The following R3HCC1L variants were observed in gnomAD, a reference collection of about 807,000 sequenced individuals.
R3HCC1L encodes R3H domain and coiled-coil containing 1 like, also known as coiled-coil domain-containing protein R3HCC1L.
In R3HCC1L, 51 loss-of-function variants were observed where a neutral mutation model predicts 59.9. The observed-to-expected ratio is 0.85, with a 90% CI of 0.68 to 1.07. The LOEUF (loss-of-function observed/expected upper bound fraction) is 1.07. Ranked by LOEUF, R3HCC1L falls within the 50% of genes least tolerant of loss-of-function variation. R3HCC1L has a pLI of 0.00. For missense variants in R3HCC1L, 965 were observed against 933.0 expected (o/e 1.03, Z -0.45); for synonymous variants, 322 against 315.2 (o/e 1.02, Z -0.23).
intron 6 of R3HCC1L, among the ~76,000 whole-genome samples, chr10:98,232,465 G>GT (rs1411215922): frequency 1.3e-5 from 2 of 152,116 alleles, no homozygotes; most frequent in Non-Finnish European, 2.9e-5. Context: ...TATAGGAGAA[G>GT]TTAAAAGAGT....
At chr10:98,193,386 TAAAA>T (rs962854445) in intron 4 of R3HCC1L, among the ~76,000 whole-genome samples, 1 of 151,382 alleles carries the variant, frequency 6.6e-6, no homozygotes, top group Non-Finnish European at 1.5e-5. Flanking sequence ...AAATAAAAAA[TAAAA>T]AAAACTGTAA....
chr10:98,194,102 A>G (rs1851153694), intron 4 of R3HCC1L, among the ~76,000 whole-genome samples: 2 of 152,154 alleles, frequency 1.3e-5, no homozygotes, highest in Non-Finnish European at 2.9e-5. Context: ...AGCTATAGTG[A>G]TCAAAACAGT....
At chr10:98,231,458 TTACA>T in intron 5 of R3HCC1L, 50 bp from the exon 6 acceptor site, 14 of 1,497,506 alleles carry the variant, frequency 9.3e-6, no homozygotes, top group Non-Finnish European at 1.3e-5. Flanking sequence ...GGAATATATT[TTACA>T]ATAACCAGGT....
At chr10:98,207,278 A>C (rs1442769190) in intron 4 of R3HCC1L, among the ~76,000 whole-genome samples, 2 of 152,248 alleles carry the variant, frequency 1.3e-5, no homozygotes, top group Non-Finnish European at 2.9e-5. Flanking sequence ...ATTCAATATG[A>C]AATTCCCTAG....
chr10:98,151,950 TCTCTTTCCACGGTCTCCCTCGCC>T (rs1486746962), intron 1 of R3HCC1L, among the ~76,000 whole-genome samples: 14 of 152,116 alleles, frequency 9.2e-5, no homozygotes, highest in South Asian at 2.1e-4. Flanking sequence ...TCCCTCTCCC[TCTCTTTCCACGGTCTCCCTCGCC>T]CTCTTTCCAC....
intron 4 of R3HCC1L, among the ~76,000 whole-genome samples, chr10:98,166,239 A>G (rs769279532): frequency 6.6e-6 from 1 of 152,220 alleles, no homozygotes; most frequent in Non-Finnish European, 1.5e-5. Context: ...GTATGAGAAT[A>G]CAATGGGAAA....
chr10:98,237,583 C>T lies in R3HCC1L; in HGVS notation c.2269+1419C>T, dbSNP rs956205332. On this transcript the variant is annotated intron_variant, in intron 9 of 9. Coordinates refer to ENST00000298999, the MANE Select transcript of R3HCC1L (RefSeq NM_001351015.2). Reference sequence around the variant, plus strand: ...CTATGCAAAGGACATTTCAGTGATGCAATTAAAAATGATTCTGTTGACTAA... The same window carrying T: ...CTATGCAAAGGACATTTCAGTGATGTAATTAAAAATGATTCTGTTGACTAA... 1.4e-4 allele frequency among the ~76,000 whole-genome samples: 22 copies of T among 152,096 alleles called. 1 individual carries two copies. Among genetic ancestry groups the T allele is most frequent in the Admixed American group, 1.4e-3 (22 of 15,262 alleles).
intron 6 of R3HCC1L, among the ~76,000 whole-genome samples, chr10:98,233,878 C>G (rs7900103): frequency 0.13 from 19,453 of 152,032 alleles, 1,292 homozygotes; most frequent in Middle Eastern, 0.17. Flanking sequence ...CCTTCTGCAA[C>G]AAGTGAAGAA....
At chr10:98,193,359 G>A (rs771040806) in intron 4 of R3HCC1L, among the ~76,000 whole-genome samples, 30 of 151,922 alleles carry the variant, frequency 2.0e-4, no homozygotes, top group African/African-American at 4.8e-4. Flanking sequence ...TTGGTTTTAC[G>A]TGTACAAAAC....
At chr10:98,229,999 AT>A (rs1312143266) in intron 5 of R3HCC1L, among the ~76,000 whole-genome samples, 1 of 151,880 alleles carries the variant, frequency 6.6e-6, no homozygotes, top group East Asian at 1.9e-4. Context: ...TTTATTGAGG[AT>A]TTTTGCATCA....
chr10:98,209,888 C>T lies in R3HCC1L; in HGVS notation c.1774C>T (p.Leu592Phe). 1.2e-6 allele frequency: 2 copies of T among 1,609,246 alleles called. No homozygotes were observed. Among genetic ancestry groups the T allele is most frequent in the South Asian group, 1.1e-5 (1 of 90,684 alleles). Residue 592 changes from leucine to phenylalanine, a missense_variant, in exon 5 of 10, where the codon CTT becomes TTT. Coordinates refer to ENST00000298999, the MANE Select transcript of R3HCC1L (RefSeq NM_001351015.2). ...NDDGDCLDPRLLQELSGNTKS... is the reference protein window; with the variant it reads ...NDDGDCLDPRFLQELSGNTKS... ...TGATGGTGACTGCCTGGATCCACGT[C>T]TTCTACAAGAGGTATGTTTAATTGA... is the stretch of plus-strand genomic sequence containing the variant.
In R3HCC1L at chr10:98,171,715, C is replaced by T. The variant is rs376558980; in HGVS notation, c.-15+8318C>T. Among the ~76,000 whole-genome samples the T allele has an allele frequency of 3.3e-5, 5 of 152,244 alleles. No individual in the cohort carries two copies. In the South Asian group the frequency reaches 1.0e-3, roughly 32 times the overall value. Reference sequence around the variant, plus strand: ...AAAGAGAGCATGTAGGTTCTGGGAACCTATGTCATGAAGCTGGAGTCAGAA... The same window carrying T: ...AAAGAGAGCATGTAGGTTCTGGGAATCTATGTCATGAAGCTGGAGTCAGAA... On this transcript the variant is annotated intron_variant, in intron 4 of 9. Transcript: ENST00000298999.
intron 4 of R3HCC1L, among the ~76,000 whole-genome samples, chr10:98,179,641 C>T (rs1001269511): frequency 1.3e-5 from 2 of 152,094 alleles, no homozygotes; most frequent in Non-Finnish European, 2.9e-5. Flanking sequence ...AGGAATGGTA[C>T]CAGCTCCCCT....
chr10:98,143,769 C>T lies in R3HCC1L; in HGVS notation c.-268+9063C>T, dbSNP rs72826245. On this transcript the variant is annotated intron_variant, in intron 1 of 9. Coordinates refer to ENST00000298999, the MANE Select transcript of R3HCC1L (RefSeq NM_001351015.2). ...TACTGTCATAAATTCAGTATATGAC[C>T]GTACATTATAAACTATTCCAACCAG... Among the ~76,000 whole-genome samples, 1,438 of 151,900 alleles carry T rather than the reference C, an allele frequency of 9.5e-3. 14 individuals are homozygous for T. The highest frequency in any genetic ancestry group is 0.017 in the Middle Eastern group (5 of 294).
chr10:98,151,975 T>C (rs1590415861), intron 1 of R3HCC1L, among the ~76,000 whole-genome samples: 1 of 152,076 alleles, frequency 6.6e-6, no homozygotes, highest in Admixed American at 6.5e-5. Flanking sequence ...TCCCTCGCCC[T>C]CTTTCCACGG....
chr10:98,153,966 A>T (rs1221954839), intron 1 of R3HCC1L, among the ~76,000 whole-genome samples: 1 of 152,210 alleles, frequency 6.6e-6, no homozygotes, highest in African/African-American at 2.4e-5. Flanking sequence ...CATTGCAATC[A>T]TCAGAAGGAG....
chr10:98,174,174 C>A (rs752446441), intron 4 of R3HCC1L, among the ~76,000 whole-genome samples: 10 of 152,140 alleles, frequency 6.6e-5, no homozygotes, highest in Non-Finnish European at 1.2e-4. Flanking sequence ...GATTCCATTT[C>A]TTACTCTGTG....
chr10:98,223,891 G>A (rs1461986823), intron 5 of R3HCC1L, among the ~76,000 whole-genome samples: 1 of 152,086 alleles, frequency 6.6e-6, no homozygotes, highest in Non-Finnish European at 1.5e-5. Flanking sequence ...TGTGCTGGGT[G>A]AGCGTATGGG....
chr10:98,139,853 T>A (rs1014607287), intron 1 of R3HCC1L, among the ~76,000 whole-genome samples: 1 of 151,982 alleles, frequency 6.6e-6, no homozygotes, highest in African/African-American at 2.4e-5. Flanking sequence ...CTTGTATCTT[T>A]TTTTTTAATG....
Sources: gnomAD v4.1 joint callset for allele counts (sites outside exome capture counted in the v4.1 genomes callset) on GRCh38, gnomAD v4.1.1 for gene constraint, MANE v1.5 for transcripts, NCBI Gene and HGNC (gene_info 2026-07-23, HGNC 2026-07-21) for gene names.